ADGRB3: variants seen among roughly 807,000 people sequenced by gnomAD.
ADGRB3 encodes the protein brain-specific angiogenesis inhibitor 3.
In ADGRB3, 37 loss-of-function variants were observed where a neutral mutation model predicts 193.4. The ratio of observed to expected loss-of-function variants is 0.19; its 90% CI spans 0.15 to 0.25. ADGRB3 has a LOEUF of 0.25. Among genes scored for constraint, ADGRB3 ranks in the 10% least tolerant of loss-of-function variants. The pLI is 1.00. For missense variants in ADGRB3, 1,637 were observed against 1,852.9 expected (o/e 0.88, Z 2.14); for synonymous variants, 690 against 644.2 (o/e 1.07, Z -1.08).
intron 20 of ADGRB3, among the ~76,000 whole-genome samples, chr6:69,307,911 T>C (rs1302696851): frequency 6.6e-6 from 1 of 151,462 alleles, no homozygotes; most frequent in African/African-American, 2.4e-5. Context: ...TCAAGTTATG[T>C]ATTAAATGTA....
intron 17 of ADGRB3, among the ~76,000 whole-genome samples, chr6:69,176,915 A>G (rs931248778): frequency 1.3e-5 from 2 of 152,194 alleles, no homozygotes; most frequent in Admixed American, 6.5e-5. Flanking sequence ...GTTTGTCTGC[A>G]TATAGGTATT....
At chr6:69,245,365 G>A (rs1330981488) in intron 20 of ADGRB3, among the ~76,000 whole-genome samples, 2 of 152,014 alleles carry the variant, frequency 1.3e-5, no homozygotes, top group Non-Finnish European at 2.9e-5. Context: ...TCAGACACAA[G>A]CATTGAAGCA....
Position 69,233,369 on chromosome 6 carries a change from G to A in ADGRB3, c.2560G>A (p.Asp854Asn), listed in dbSNP as rs937186875. The change falls in exon 18 of 32, where the codon GAT becomes AAT. Residue 854 changes from aspartate (D) to asparagine (N), a missense_variant. Coordinates refer to ENST00000370598, the MANE Select transcript of ADGRB3 (RefSeq NM_001704.3). The part of the protein sequence containing the change: ...TDASHTKCLC[D>N]RLSTFAILAQ... Reference sequence around the variant, plus strand: ...TGCATCCCATACGAAATGCTTATGTGATCGTCTCTCTACCTTCGCCATTTT... The same window carrying A: ...TGCATCCCATACGAAATGCTTATGTAATCGTCTCTCTACCTTCGCCATTTT... The A allele has an allele frequency of 6.2e-7, 1 of 1,613,950 alleles. No homozygotes were observed. The highest frequency in any genetic ancestry group is 8.5e-7 in the Non-Finnish European group (1 of 1,179,998).
At chr6:68,788,217 T>G (rs1403448715) in intron 3 of ADGRB3, among the ~76,000 whole-genome samples, 1 of 152,204 alleles carries the variant, frequency 6.6e-6, no homozygotes, top group Non-Finnish European at 1.5e-5. Context: ...TGTTTGCTCT[T>G]GCTTTTCTAG....
intron 3 of ADGRB3, among the ~76,000 whole-genome samples, chr6:68,778,578 T>A (rs941880346): frequency 6.6e-6 from 1 of 152,158 alleles, no homozygotes; most frequent in Non-Finnish European, 1.5e-5. Context: ...TTGTTAGTCA[T>A]CGGCATAATT....
chr6:69,225,965 A>G (rs1158425206), intron 17 of ADGRB3, among the ~76,000 whole-genome samples: 1 of 152,186 alleles, frequency 6.6e-6, no homozygotes, highest in Admixed American at 6.5e-5. Flanking sequence ...AAAGATACTT[A>G]TACATATTTA....
intron 17 of ADGRB3, among the ~76,000 whole-genome samples, chr6:69,143,732 T>A (rs1460125296): frequency 6.6e-6 from 1 of 152,174 alleles, no homozygotes; most frequent in African/African-American, 2.4e-5. Context: ...TTCTTCTCCA[T>A]TGGTTTATGT....
At chr6:68,815,775 T>A (rs1767622064) in intron 3 of ADGRB3, among the ~76,000 whole-genome samples, 1 of 152,112 alleles carries the variant, frequency 6.6e-6, no homozygotes, top group East Asian at 1.9e-4. Context: ...ATATTAAAGA[T>A]AAACAAAAAT....
chr6:68,709,652 A>G (rs1765377929), intron 3 of ADGRB3, among the ~76,000 whole-genome samples: 1 of 152,186 alleles, frequency 6.6e-6, no homozygotes, highest in Non-Finnish European at 1.5e-5. Context: ...AGAACAAAGC[A>G]ACTATTTTTT....
chr6:68,741,880 C>T lies in ADGRB3; in HGVS notation c.757+102448C>T, dbSNP rs549395837. On this transcript the variant is annotated intron_variant, in intron 3 of 31. Coordinates refer to ENST00000370598, the MANE Select transcript of ADGRB3 (RefSeq NM_001704.3). ...CCTTTTTGCATTCTTCTTCTTATAA[C>T]GTTTTAGCTAAATATGCAAATTCAT... Among the ~76,000 whole-genome samples, 9 of 152,178 alleles carry T rather than the reference C, an allele frequency of 5.9e-5. No individual in the cohort carries two copies. In the East Asian group the frequency reaches 1.4e-3, roughly 23 times the overall value.
chr6:68,944,892 T>C (rs1229202532), intron 6 of ADGRB3, among the ~76,000 whole-genome samples: 3 of 152,162 alleles, frequency 2.0e-5, no homozygotes, highest in Admixed American at 6.6e-5. Context: ...ATCGCTCTCT[T>C]CTTGGGGAGA....
At chr6:68,825,632 C>A (rs182614745) in intron 3 of ADGRB3, among the ~76,000 whole-genome samples, 121 of 152,100 alleles carry the variant, frequency 8.0e-4, no homozygotes, top group African/African-American at 2.8e-3. Flanking sequence ...AGGGAGAGAC[C>A]AGGTGGAGGT....
chr6:69,217,291 A>T (rs909223154), intron 17 of ADGRB3, among the ~76,000 whole-genome samples: 3 of 152,172 alleles, frequency 2.0e-5, no homozygotes, highest in Non-Finnish European at 2.9e-5. Flanking sequence ...AGTTCTTATC[A>T]GTACTTGTAC....
At chr6:68,971,551 A>AGAGC (rs1271489125) in intron 8 of ADGRB3, among the ~76,000 whole-genome samples, 2 of 152,228 alleles carry the variant, frequency 1.3e-5, no homozygotes, top group Non-Finnish European at 2.9e-5. Context: ...TACAGGAGGA[A>AGAGC]GAGCGTAGGT....
chr6:68,771,459 C>T (rs1766617509), intron 3 of ADGRB3, among the ~76,000 whole-genome samples: 1 of 151,758 alleles, frequency 6.6e-6, no homozygotes, highest in Admixed American at 6.6e-5. Flanking sequence ...TATAGAATTA[C>T]CTTCTAATTG....
At chr6:69,350,106 C>G (rs1437781395) in intron 26 of ADGRB3, among the ~76,000 whole-genome samples, 2 of 152,160 alleles carry the variant, frequency 1.3e-5, no homozygotes, top group African/African-American at 4.8e-5. Flanking sequence ...CACACCCCTG[C>G]AAACCTCTTT....
At chr6:69,191,556 A>C (rs970833970) in intron 17 of ADGRB3, among the ~76,000 whole-genome samples, 3 of 152,160 alleles carry the variant, frequency 2.0e-5, no homozygotes, top group African/African-American at 7.2e-5. Context: ...AATATGGCTT[A>C]AGTTATCTGA....
rs540086172 is a variant in ADGRB3 at position 69,044,792 on chromosome 6, T to G, written c.2108-3393T>G. 3.9e-5 allele frequency among the ~76,000 whole-genome samples: 6 copies of G among 152,352 alleles called. No individual in the cohort carries two copies. The South Asian group carries it at 1.2e-3, about 32-fold the overall frequency. ...CGATACAGTGAATTTAGGATAATTC[T>G]TGTAGCACTCAAGATGTGCGTATTT... is the stretch of plus-strand genomic sequence containing the variant. On this transcript the variant is annotated intron_variant, in intron 13 of 31. Coordinates refer to ENST00000370598, the MANE Select transcript of ADGRB3 (RefSeq NM_001704.3).
intron 20 of ADGRB3, among the ~76,000 whole-genome samples, chr6:69,317,905 G>T (rs1768353003): frequency 6.6e-6 from 1 of 151,372 alleles, no homozygotes; most frequent in Non-Finnish European, 1.5e-5. Flanking sequence ...ACTTAGATTA[G>T]TTTATTGATC....
Sources: allele counts gnomAD v4.1 joint callset (sites outside exome capture counted in the v4.1 genomes callset), GRCh38; gene constraint gnomAD v4.1.1; transcripts MANE v1.5; gene names NCBI Gene and HGNC (gene_info 2026-07-23, HGNC 2026-07-21).